The following WWOX variants were observed in gnomAD, a reference collection of about 807,000 sequenced individuals.
WWOX encodes WW domain containing oxidoreductase.
Under a neutral mutation model 46.2 loss-of-function variants are expected in WWOX, and 69 were observed. The ratio of observed to expected loss-of-function variants is 1.49; its 90% CI spans 1.23 to 1.82. The LOEUF (loss-of-function observed/expected upper bound fraction) is 1.82, where lower values mean the gene tolerates loss of function less well. Ranked by LOEUF, WWOX falls within the 40% of genes most tolerant of loss-of-function variation. The pLI is 0.00. For missense variants in WWOX, 919 were observed against 542.6 expected (o/e 1.69, Z -6.89); for synonymous variants, 359 against 202.6 (o/e 1.77, Z -6.56).
intron 5 of WWOX, among the ~76,000 whole-genome samples, chr16:78,363,741 C>G (rs1023238152): frequency 4.6e-5 from 7 of 152,176 alleles, no homozygotes; most frequent in Admixed American, 6.5e-5. Flanking sequence ...AGAAATGGGA[C>G]TCTGGAGTAG....
At chr16:78,148,283 C>T (rs2034277797) in intron 4 of WWOX, among the ~76,000 whole-genome samples, 1 of 152,060 alleles carries the variant, frequency 6.6e-6, no homozygotes, top group South Asian at 2.1e-4. Context: ...GAAGTGAGAC[C>T]ATGGGTGTGT....
intron 8 of WWOX, among the ~76,000 whole-genome samples, chr16:79,031,322 G>A (rs1302645666): frequency 6.6e-6 from 1 of 152,090 alleles, no homozygotes; most frequent in Non-Finnish European, 1.5e-5. Context: ...ACTGATCACT[G>A]TCCCATCCTG....
chr16:78,846,736 G>A (rs62036206), intron 8 of WWOX, among the ~76,000 whole-genome samples: 9,825 of 152,044 alleles, frequency 0.065, 433 homozygotes, highest in East Asian at 0.23. Context: ...GAGGTACTTT[G>A]GGACTACTTC....
intron 8 of WWOX, among the ~76,000 whole-genome samples, chr16:78,740,815 T>A (rs1238382525): frequency 6.6e-6 from 1 of 152,164 alleles, no homozygotes; most frequent in African/African-American, 2.4e-5. Flanking sequence ...TGAGCGTGTC[T>A]TAGAGATGCT....
At chr16:79,040,418 G>T (rs1203806051) in intron 8 of WWOX, among the ~76,000 whole-genome samples, 1 of 151,894 alleles carries the variant, frequency 6.6e-6, no homozygotes, top group African/African-American at 2.4e-5. Flanking sequence ...GGGACCACAG[G>T]ATGCACCACC....
intron 8 of WWOX, among the ~76,000 whole-genome samples, chr16:79,129,351 C>G (rs932891861): frequency 1.3e-5 from 2 of 149,006 alleles, no homozygotes; most frequent in African/African-American, 5.0e-5. Context: ...AGTCACACAC[C>G]TCTCAGTGCC....
intron 5 of WWOX, among the ~76,000 whole-genome samples, chr16:78,372,786 G>A (rs894225226): frequency 1.1e-4 from 16 of 152,250 alleles, no homozygotes; most frequent in African/African-American, 3.9e-4. Flanking sequence ...TTCATGAGTA[G>A]TGGCCACACC....
At chr16:78,108,140 A>G (rs1307378331) in intron 1 of WWOX, among the ~76,000 whole-genome samples, 5 of 151,440 alleles carry the variant, frequency 3.3e-5, no homozygotes, top group Non-Finnish European at 1.5e-5. Flanking sequence ...GTTGGCCAGG[A>G]TGGTCTCCAT....
intron 8 of WWOX, among the ~76,000 whole-genome samples, chr16:78,457,938 C>T (rs140776909): frequency 0.021 from 2,644 of 125,896 alleles, 104 homozygotes; most frequent in African/African-American, 0.097. Flanking sequence ...ATTAGCTGGG[C>T]GTAGTGGCAG....
chr16:78,508,666 C>T (rs575382129), intron 8 of WWOX, among the ~76,000 whole-genome samples: 17 of 152,174 alleles, frequency 1.1e-4, no homozygotes, highest in Non-Finnish European at 1.9e-4. Context: ...GCTGATGGTG[C>T]CCTCCATTTC....
At chr16:78,450,648 C>T (rs1333177672) in intron 8 of WWOX, among the ~76,000 whole-genome samples, 2 of 152,090 alleles carry the variant, frequency 1.3e-5, no homozygotes, top group Admixed American at 1.3e-4. Context: ...TATTTCTAGG[C>T]AGGTGAGTGC....
chr16:79,064,514 C>T (rs541048422), intron 8 of WWOX, among the ~76,000 whole-genome samples: 2 of 152,204 alleles, frequency 1.3e-5, no homozygotes, highest in African/African-American at 4.8e-5. Context: ...TCTAGGAACG[C>T]AGATGTGGAG....
chr16:78,514,489 G>C (rs758540997), intron 8 of WWOX, among the ~76,000 whole-genome samples: 1 of 152,116 alleles, frequency 6.6e-6, no homozygotes, highest in African/African-American at 2.4e-5. Context: ...AGTTAGCAAA[G>C]GTGAAGTGGT....
chr16:78,498,911 C>G (rs2084984978), intron 8 of WWOX, among the ~76,000 whole-genome samples: 1 of 152,152 alleles, frequency 6.6e-6, no homozygotes, highest in African/African-American at 2.4e-5. Flanking sequence ...GATTGTCTCT[C>G]CTTTATTGGC....
chr16:78,786,455 C>G (rs4888848), intron 8 of WWOX, among the ~76,000 whole-genome samples: 38,334 of 151,982 alleles, frequency 0.25, 5,104 homozygotes, highest in South Asian at 0.36. Context: ...TGTAGTAAAA[C>G]AATTTAGAAG....
In WWOX at chr16:78,526,343, C is replaced by G. The variant is rs996631942; in HGVS notation, c.1056+93591C>G. The G allele has an allele frequency of 2.6e-5, 4 of 152,266 alleles. 1 individual carries two copies. The highest frequency in any genetic ancestry group is 2.9e-5 in the Non-Finnish European group (2 of 68,112). 9.4% of individuals were successfully genotyped at this position (152,266 alleles called of 1,614,324 possible). A position where few individuals can be genotyped will look rare whatever the true frequency, so the allele number is the denominator to read the frequency against. On this transcript the variant is annotated intron_variant, in intron 8 of 8. Transcript: ENST00000566780. Reference sequence around the variant, plus strand: ...TTTTCTTCCAAGAGGAAATGTGGTGCTGAGCCCCCCTTCCACTGGCTGTGA... The same window carrying G: ...TTTTCTTCCAAGAGGAAATGTGGTGGTGAGCCCCCCTTCCACTGGCTGTGA...
At chr16:78,627,240 G>C (rs1215729662) in intron 8 of WWOX, among the ~76,000 whole-genome samples, 1 of 152,126 alleles carries the variant, frequency 6.6e-6, no homozygotes, top group Non-Finnish European at 1.5e-5. Flanking sequence ...AGGTGTGTTT[G>C]CTACCATACC....
intron 8 of WWOX, among the ~76,000 whole-genome samples, chr16:78,453,499 C>A (rs1055059534): frequency 6.6e-6 from 1 of 151,944 alleles, no homozygotes; most frequent in African/African-American, 2.4e-5. Context: ...GGTAGAAATG[C>A]GAATGGACGC....
rs111755310 is a variant in WWOX, at chr16:78,765,916, T to C, written c.1056+333164T>C. 8.0e-3 allele frequency among the ~76,000 whole-genome samples: 1,216 copies of C among 152,178 alleles called. 17 individuals are homozygous for C. The highest frequency in any genetic ancestry group is 0.027 in the African/African-American group (1,132 of 41,514). Reference sequence around the variant, plus strand: ...GAAATTTACGTGGCTTCCATGCCCATTGGTGTGAGGAGTGAGGGGTGATCA... The same window carrying C: ...GAAATTTACGTGGCTTCCATGCCCACTGGTGTGAGGAGTGAGGGGTGATCA... On this transcript the variant is annotated intron_variant, in intron 8 of 8. Coordinates refer to ENST00000566780, the MANE Select transcript of WWOX (RefSeq NM_016373.4).
Sources: gnomAD v4.1 joint callset for allele counts (sites outside exome capture counted in the v4.1 genomes callset) on GRCh38, gnomAD v4.1.1 for gene constraint, MANE v1.5 for transcripts, NCBI Gene and HGNC (gene_info 2026-07-23, HGNC 2026-07-21) for gene names.